ESR1: variants seen among roughly 807,000 people sequenced by gnomAD.
ESR1 encodes estrogen receptor.
In ESR1, 12 loss-of-function variants were observed where a neutral mutation model predicts 52.7. That is an observed-to-expected ratio of 0.23 (90% CI 0.15 to 0.37). The LOEUF (loss-of-function observed/expected upper bound fraction) is 0.37. Ranked by LOEUF, ESR1 falls within the 10% of genes least tolerant of loss-of-function variation. ESR1 has a pLI of 1.00. For missense variants in ESR1, 584 were observed against 779.7 expected (o/e 0.75, Z 2.99); for synonymous variants, 305 against 316.8 (o/e 0.96, Z 0.39).
chr6:151,695,045 G>T lies in ESR1; in HGVS notation c.-202+4381G>T, dbSNP rs565921574. Among the ~76,000 whole-genome samples the T allele has an allele frequency of 3.9e-5, 6 of 152,284 alleles. No individual in the cohort carries two copies. The East Asian group carries it at 1.2e-3, about 29-fold the overall frequency. On this transcript the variant is annotated intron_variant, in intron 1 of 2. Coordinates refer to the ESR1 transcript ENST00000404742. ...ACAGCAGCAGTATGGATGCGGTTTT[G>T]AGGGGATGGTGGTAATCCTCTTCTG...
intron 2 of ESR1, among the ~76,000 whole-genome samples, chr6:151,706,995 C>T (rs894231010): frequency 1.2e-4 from 19 of 152,094 alleles, no homozygotes; most frequent in East Asian, 1.9e-4. Context: ...GGCTGTGCTT[C>T]GACCTTTATC....
At position 152,011,790 on chromosome 6, in the gene ESR1, G is replaced by A. The variant is rs1401451451; in HGVS notation, c.1231G>A (p.Asp411Asn). Reference sequence around the variant, plus strand: ...ACTGTTTGCTCCTAACTTGCTCTTGGACAGGTAAGTGACCTGGCTGTAGCT... The same window carrying A: ...ACTGTTTGCTCCTAACTTGCTCTTGAACAGGTAAGTGACCTGGCTGTAGCT... ...KLLFAPNLLL[D>N]RNQGKCVEGM... Residue 411 changes from aspartate to asparagine, a missense_variant, in exon 5 of 8, where the codon GAC (aspartate) becomes AAC (asparagine). By Grantham distance (23) the Asp-to-Asn change is conservative. Transcript: ENST00000206249. The A allele has an allele frequency of 1.9e-6, 3 of 1,612,668 alleles. No individual in the cohort carries two copies. The highest frequency in any genetic ancestry group is 3.3e-5 in the Admixed American group (2 of 59,830).
intron 2 of ESR1, among the ~76,000 whole-genome samples, chr6:151,755,522 C>T (rs895278700): frequency 3.3e-5 from 5 of 152,184 alleles, no homozygotes; most frequent in Admixed American, 2.0e-4. Context: ...TTGGAGCCGC[C>T]GCAGAGCTGG....
intron 4 of ESR1, among the ~76,000 whole-genome samples, chr6:151,965,602 T>C (rs2038184412): frequency 6.6e-6 from 1 of 152,140 alleles, no homozygotes; most frequent in Non-Finnish European, 1.5e-5. Flanking sequence ...AGTTCGATTA[T>C]AGTTTTTCAG....
At chr6:151,745,069 C>G (rs1346860302) in intron 2 of ESR1, among the ~76,000 whole-genome samples, 2 of 152,174 alleles carry the variant, frequency 1.3e-5, no homozygotes, top group African/African-American at 2.4e-5. Flanking sequence ...CACCATACTA[C>G]CAGTTATTCA....
intron 2 of ESR1, among the ~76,000 whole-genome samples, chr6:151,853,169 C>CAAAAAAAAAAAAAAAAAAAA (rs386408969): frequency 1.4e-4 from 6 of 42,892 alleles, no homozygotes; most frequent in African/African-American, 2.9e-4. Context: ...AGACTCGTCT[C>CAAAAAAAAAAAAAAAAAAAA]AAAAAAAAAA....
upstream of ESR1, chr6:151,805,468 G>T (rs950544666): frequency 6.6e-6 from 1 of 152,288 alleles, no homozygotes; most frequent in Non-Finnish European, 1.5e-5. Flanking sequence ...CAAGGGTAGG[G>T]GCAAAGGGGC....
rs138798969 is a variant in ESR1 at position 151,737,686 on chromosome 6, G to A, written c.-71+35681G>A. On this transcript the variant is annotated intron_variant, in intron 2 of 2. Transcript: ENST00000404742. ...AGGCGACCACTGTTACCATTTCCTT[G>A]ACTAGCCTTCCTAGAATAATTATGC... Among the ~76,000 whole-genome samples, 349 of 152,186 alleles carry A rather than the reference G, an allele frequency of 2.3e-3. 2 individuals are homozygous for A. Among genetic ancestry groups the A allele is most frequent in the African/African-American group, 8.0e-3 (332 of 41,530 alleles).
At chr6:151,697,215 T>G (rs936783687) in intron 1 of ESR1, among the ~76,000 whole-genome samples, 6 of 152,198 alleles carry the variant, frequency 3.9e-5, no homozygotes, top group Non-Finnish European at 8.8e-5. Context: ...GGGAAATAGT[T>G]CAAGGGAGGT....
At chr6:152,104,111 C>T (rs2051032974), downstream of ESR1, among the ~76,000 whole-genome samples, 1 of 150,858 alleles carries the variant, frequency 6.6e-6, no homozygotes, top group Admixed American at 6.7e-5. Flanking sequence ...ACATGGTTCG[C>T]TCATGGAGAG....
chr6:151,901,969 T>C (rs1427606539), intron 3 of ESR1, among the ~76,000 whole-genome samples: 1 of 152,260 alleles, frequency 6.6e-6, no homozygotes, highest in African/African-American at 2.4e-5. Flanking sequence ...CCACCATTTT[T>C]TGGCCTTGAC....
intron 5 of ESR1, among the ~76,000 whole-genome samples, chr6:152,022,386 C>T (rs1325879425): frequency 6.6e-6 from 1 of 152,082 alleles, no homozygotes; most frequent in Non-Finnish European, 1.5e-5. Context: ...GTTTAAAGTG[C>T]AGGGAAGATA....
At chr6:151,902,241 C>T (rs1348428114) in intron 3 of ESR1, among the ~76,000 whole-genome samples, 3 of 152,144 alleles carry the variant, frequency 2.0e-5, no homozygotes, top group African/African-American at 7.2e-5. Context: ...GGACCTAGGA[C>T]TGGAGTTGGC....
chr6:151,748,499 G>A (rs534737936), intron 2 of ESR1, among the ~76,000 whole-genome samples: 1 of 152,240 alleles, frequency 6.6e-6, no homozygotes, highest in Admixed American at 6.5e-5. Context: ...CTAATGAAGG[G>A]CATTTTGGTT....
chr6:151,766,405 T>C (rs1054863490), intron 2 of ESR1, among the ~76,000 whole-genome samples: 1 of 152,154 alleles, frequency 6.6e-6, no homozygotes, highest in Non-Finnish European at 1.5e-5. Context: ...TGCTTGAGCC[T>C]GGGAAGCGGA....
At chr6:151,740,423 A>G (rs1324455172) in intron 2 of ESR1, among the ~76,000 whole-genome samples, 3 of 150,328 alleles carry the variant, frequency 2.0e-5, no homozygotes, top group Admixed American at 6.7e-5. Flanking sequence ...GGCGTGAGCC[A>G]CCACACCTGG....
chr6:152,113,466 C>T (rs1045199888), intron 6 of ESR1, among the ~76,000 whole-genome samples: 1 of 152,018 alleles, frequency 6.6e-6, no homozygotes, highest in Non-Finnish European at 1.5e-5. Context: ...CCTCAGTTAC[C>T]GCAGGGCTGT....
At chr6:152,018,668 G>A (rs2043360497) in intron 5 of ESR1, among the ~76,000 whole-genome samples, 1 of 152,100 alleles carries the variant, frequency 6.6e-6, no homozygotes, top group Non-Finnish European at 1.5e-5. Flanking sequence ...CTGGGCAGGA[G>A]ACGGCTTCAG....
At chr6:151,749,416 G>A (rs907943035) in intron 2 of ESR1, among the ~76,000 whole-genome samples, 2 of 152,106 alleles carry the variant, frequency 1.3e-5, no homozygotes, top group African/African-American at 4.8e-5. Context: ...TCATTTCTTT[G>A]TGGTAAAGCA....
Sources: gnomAD v4.1 joint callset for allele counts (sites outside exome capture counted in the v4.1 genomes callset) on GRCh38, gnomAD v4.1.1 for gene constraint, MANE v1.5 for transcripts, NCBI Gene and HGNC (gene_info 2026-07-23, HGNC 2026-07-21) for gene names.